Variants in DOP1A observed in about 807,000 individuals in gnomAD.
DOP1A encodes protein DOP1A.
A neutral mutation model predicts 267.6 loss-of-function variants in DOP1A; 90 were observed. That is an observed-to-expected ratio of 0.34 (90% CI 0.28 to 0.40). DOP1A has a LOEUF of 0.40. Ranked by LOEUF, DOP1A falls within the 10% of genes least tolerant of loss-of-function variation. The pLI, the probability that DOP1A is intolerant of heterozygous loss-of-function variation, is 1.00. For missense variants in DOP1A, 2,437 were observed against 2,900.4 expected (o/e 0.84, Z 3.67); for synonymous variants, 932 against 999.1 (o/e 0.93, Z 1.27).
intron 33 of DOP1A, among the ~76,000 whole-genome samples, chr6:83,154,444 G>A (rs1205910216): frequency 6.6e-6 from 1 of 152,210 alleles, no homozygotes; most frequent in Non-Finnish European, 1.5e-5. Context: ...GACAACTTAA[G>A]TGATAAGTAA....
At chr6:83,097,800 A>G (rs1411736326) in intron 3 of DOP1A, among the ~76,000 whole-genome samples, 2 of 151,814 alleles carry the variant, frequency 1.3e-5, no homozygotes, top group African/African-American at 4.8e-5. Context: ...TCTAAATATT[A>G]AAGAGGTTAC....
chr6:83,160,479 C>G (rs1024160505), intron 37 of DOP1A, among the ~76,000 whole-genome samples: 3 of 152,150 alleles, frequency 2.0e-5, no homozygotes, highest in African/African-American at 4.8e-5. Flanking sequence ...ACCTTGTAAG[C>G]TGTGTTAGAG....
At chr6:83,165,255 AAAG>A (rs1785193243) in intron 38 of DOP1A, 1 of 152,582 alleles carries the variant, frequency 6.6e-6, no homozygotes, top group Non-Finnish European at 1.5e-5. Flanking sequence ...AGAAAGAAAG[AAAG>A]AAAGTTTTAT....
intron 1 of DOP1A, among the ~76,000 whole-genome samples, chr6:83,077,914 G>A (rs756158362): frequency 2.0e-5 from 3 of 152,162 alleles, no homozygotes; most frequent in Non-Finnish European, 4.4e-5. Flanking sequence ...GAAAGTTTAC[G>A]AATTTCTTGG....
chr6:83,132,741 CTAA>C (rs1778276451), intron 18 of DOP1A, among the ~76,000 whole-genome samples: 1 of 151,904 alleles, frequency 6.6e-6, no homozygotes. Flanking sequence ...CCATAGAATG[CTAA>C]TATGTGAGAT....
In DOP1A at chr6:83,101,447, A is replaced by G. The variant is rs950117853; in HGVS notation, c.320+561A>G. Among the ~76,000 whole-genome samples, 3 of 152,244 alleles carry G rather than the reference A, an allele frequency of 2.0e-5. No homozygotes were observed. In the East Asian group the frequency reaches 5.8e-4, roughly 29 times the overall value. ...CATTCAAAGTTGTTGAGACTATAGT[A>G]CATTCTACCTTTTTAAGCTTGAAAA... On this transcript the variant is annotated intron_variant, in intron 4 of 38. Transcript: ENST00000349129.
chr6:83,142,655 G>A (rs961455301), intron 24 of DOP1A, among the ~76,000 whole-genome samples: 1 of 152,118 alleles, frequency 6.6e-6, no homozygotes, highest in African/African-American at 2.4e-5. Context: ...GTCATTTAGG[G>A]TACAAAGCAA....
At chr6:83,137,075 CTAA>C in intron 20 of DOP1A, 95 bp from the exon 21 acceptor site, 4 of 1,140,846 alleles carry the variant, frequency 3.5e-6, no homozygotes, top group Non-Finnish European at 4.7e-6. Flanking sequence ...GATGATGACA[CTAA>C]TGATTAAAAA....
At chr6:83,158,981 C>T (rs1783522018) in intron 36 of DOP1A, among the ~76,000 whole-genome samples, 1 of 152,288 alleles carries the variant, frequency 6.6e-6, no homozygotes, top group South Asian at 2.1e-4. Flanking sequence ...TTCGTATATG[C>T]AGATCTTCCA....
At position 83,137,967 on chromosome 6, in the gene DOP1A, G is replaced by A. The variant is rs539060262; in HGVS notation, c.3925G>A (p.Asp1309Asn). 3.1e-6 allele frequency: 5 copies of A among 1,604,708 alleles called. No homozygotes were observed. Among genetic ancestry groups the A allele is most frequent in the Non-Finnish European group, 4.2e-6 (5 of 1,177,346 alleles). ...KVKLARKKDD[D>N]KKKSSNEKLK... is the part of the protein sequence containing the mutation. ...AAAACTTGCCAGAAAAAAGGATGATGACAAGAAAAAATCTTCAAATGAAAA... is the reference window on the plus strand; with the variant it reads ...AAAACTTGCCAGAAAAAAGGATGATAACAAGAAAAAATCTTCAAATGAAAA... The change falls in exon 21 of 39, where the codon GAC (aspartate) becomes AAC (asparagine). Residue 1309 changes from aspartate (D) to asparagine (N), a missense_variant. Transcript: ENST00000349129.
At chr6:83,068,749 G>C in intron 1 of DOP1A, among the ~76,000 whole-genome samples, 1 of 152,230 alleles carries the variant, frequency 6.6e-6, no homozygotes, top group East Asian at 1.9e-4. Flanking sequence ...TCGGCATTAT[G>C]TGCTAAGTAA....
rs146009455 is a variant in DOP1A, at chr6:83,109,265, T to C, written c.491+185T>C. Among the ~76,000 whole-genome samples, 14 of 152,330 alleles carry C rather than the reference T, an allele frequency of 9.2e-5. 1 individual carries two copies. Among genetic ancestry groups the C allele is most frequent in the African/African-American group, 3.4e-4 (14 of 41,584 alleles). On this transcript the variant is annotated intron_variant, in intron 5 of 38. Coordinates refer to ENST00000349129, the MANE Select transcript of DOP1A (RefSeq NM_015018.4). ...TAGTCTATGTATCATACTGAAAATA[T>C]AGCTAGTGATAAAAGCATAGACTTC...
downstream of DOP1A, chr6:83,170,449 G>A (rs540471794): frequency 2.7e-5 from 43 of 1,613,780 alleles, 1 homozygote; most frequent in South Asian, 1.2e-4. Context: ...TTTCAGCATC[G>A]GTAGTGCTAA....
At chr6:83,131,377 AT>A (rs1777999202) in intron 17 of DOP1A, among the ~76,000 whole-genome samples, 1 of 152,102 alleles carries the variant, frequency 6.6e-6, no homozygotes. Context: ...CATTATTATT[AT>A]TACTCATTGC....
rs1779402123 is a variant in DOP1A at position 83,140,266 on chromosome 6, G to A, written c.5278G>A (p.Gly1760Arg). 5 of 1,613,432 alleles carry A rather than the reference G, an allele frequency of 3.1e-6. No individual in the cohort carries two copies. In the East Asian group the frequency reaches 8.9e-5, roughly 29 times the overall value. ...DQKHLFEARS[G>R]ILSILHMIMS... ...GAAACACTTGTTTGAAGCACGCAGT[G>A]GAATCCTCTCAATCCTTCATATGAT... Residue 1760 changes from glycine (G) to arginine (R), a missense_variant, in exon 23 of 39, where the codon GGA (glycine) becomes AGA (arginine). Physicochemically the swap from Gly to Arg is moderately radical, Grantham distance 125. Around this residue, in one of 9 missense-constraint regions of DOP1A, gnomAD observed 307 missense variants for 308.6 expected, o/e 0.99. Transcript: ENST00000349129.
chr6:83,078,715 G>A (rs909203680), intron 1 of DOP1A, among the ~76,000 whole-genome samples: 1 of 152,196 alleles, frequency 6.6e-6, no homozygotes, highest in Admixed American at 6.5e-5. Flanking sequence ...GAGAGGTGTA[G>A]TAACAGTTTA....
intron 7 of DOP1A, among the ~76,000 whole-genome samples, chr6:83,116,064 T>C (rs533294024): frequency 2.0e-5 from 3 of 152,348 alleles, no homozygotes; most frequent in African/African-American, 7.2e-5. Context: ...TGATTTGTTC[T>C]TTTGGTTAAA....
chr6:83,130,104 C>T lies in DOP1A; in HGVS notation c.2342-19C>T. 2 of 1,608,704 alleles carry T rather than the reference C, an allele frequency of 1.2e-6. No homozygotes were observed. The highest frequency in any genetic ancestry group is 1.7e-6 in the Non-Finnish European group (2 of 1,177,410). On this transcript the variant is annotated intron_variant, in intron 16 of 38. Coordinates refer to ENST00000349129, the MANE Select transcript of DOP1A (RefSeq NM_015018.4). ...TGTTTAGTATAATGAACTCTGATTG[C>T]TACCATCTTTTGTTTCAGACTGTGA...
At chr6:83,154,342 G>A in intron 33 of DOP1A, 101 bp downstream of exon 33, 1 of 1,089,164 alleles carries the variant, frequency 9.2e-7, no homozygotes, top group South Asian at 1.4e-5. Flanking sequence ...TACTGAATTA[G>A]CTCTTTGTCA....
Sources: gnomAD v4.1 joint callset for allele counts (sites outside exome capture counted in the v4.1 genomes callset) on GRCh38, gnomAD v4.1.1 for gene constraint, gnomAD v4.1.1 regional missense constraint, MANE v1.5 for transcripts, NCBI Gene and HGNC (gene_info 2026-07-23, HGNC 2026-07-21) for gene names.